Variants in ELOVL2 observed in about 807,000 individuals in gnomAD.
ELOVL2 encodes the protein very long chain fatty acid elongase 2.
Under a neutral mutation model 37.7 loss-of-function variants are expected in ELOVL2, and 38 were observed. The ratio of observed to expected loss-of-function variants is 1.01; its 90% CI spans 0.78 to 1.32. The LOEUF is 1.32. Among genes scored for constraint, ELOVL2 ranks in the 40% most tolerant of loss-of-function variants. The pLI, the probability that ELOVL2 is intolerant of heterozygous loss-of-function variation, is 0.00. For missense variants in ELOVL2, 352 were observed against 363.6 expected (o/e 0.97, Z 0.26); for synonymous variants, 115 against 122.3 (o/e 0.94, Z 0.40).
chr6:11,031,759 C>T (rs1366260407), intron 1 of ELOVL2, among the ~76,000 whole-genome samples: 1 of 152,126 alleles, frequency 6.6e-6, no homozygotes, highest in Non-Finnish European at 1.5e-5. Context: ...CCTGCCATAA[C>T]CTCTATTTTC....
intron 1 of ELOVL2, among the ~76,000 whole-genome samples, chr6:11,029,573 G>T (rs1231351363): frequency 6.6e-6 from 1 of 152,176 alleles, no homozygotes. Flanking sequence ...ACTGTATCAG[G>T]CTTGGATAAT....
Position 10,982,190 on chromosome 6 carries a change from C to T in ELOVL2, c.*1591G>A, listed in dbSNP as rs1781947571. The T allele has an allele frequency of 6.6e-6, 1 of 152,154 alleles. No individual in the cohort carries two copies. The highest frequency in any genetic ancestry group is 1.5e-5 in the Non-Finnish European group (1 of 68,034). The allele number at this position is 152,154 out of a possible 1,614,324, so 9.4% of individuals were successfully genotyped here. A position where few individuals can be genotyped will look rare whatever the true frequency, so the allele number is the denominator to read the frequency against. On this transcript the variant is annotated 3_prime_UTR_variant, in exon 8 of 8. Transcript: ENST00000354666. ...CCTAGAGACTATCCTAAGCATTAGGCACCTTCCAAAAAATATGCCCAAATC... is the reference window on the plus strand; with the variant it reads ...CCTAGAGACTATCCTAAGCATTAGGTACCTTCCAAAAAATATGCCCAAATC...
intron 1 of ELOVL2, among the ~76,000 whole-genome samples, chr6:11,036,151 T>C (rs1261240114): frequency 6.6e-6 from 1 of 152,206 alleles, no homozygotes; most frequent in Non-Finnish European, 1.5e-5. Context: ...GGTATTAAAA[T>C]AGGGTGTTTC....
At chr6:10,990,521 C>G in intron 5 of ELOVL2, 79 bp from the exon 6 acceptor site, 6 of 1,366,662 alleles carry the variant, frequency 4.4e-6, no homozygotes, top group Non-Finnish European at 5.9e-6. Context: ...GATTCTCTCT[C>G]TGCATGGTAA....
intron 3 of ELOVL2, among the ~76,000 whole-genome samples, chr6:11,003,847 C>T (rs767577045): frequency 1.4e-4 from 21 of 151,986 alleles, no homozygotes; most frequent in East Asian, 5.8e-4. Context: ...TCTGGGAGGC[C>T]GAGGCGGGTG....
Position 10,989,568 on chromosome 6 carries a change from G to A in ELOVL2, c.765+135C>T, listed in dbSNP as rs1782108015. On this transcript the variant is annotated intron_variant, in intron 7 of 7. Transcript: ENST00000354666. ...GCAGGAGAATCACTTGAACCCAGAA[G>A]GCGGAGGTTGCAGTGAGCTGAGATC... 3.9e-6 allele frequency: 3 copies of A among 765,240 alleles called. No homozygotes were observed. The East Asian group carries it at 8.8e-5, about 22-fold the overall frequency. The allele number at this position is 765,240 out of a possible 1,614,324, so 47.4% of individuals were successfully genotyped here.
Position 10,989,786 on chromosome 6 carries a change from A to T in ELOVL2, c.682T>A (p.Cys228Ser). Reference sequence around the variant, plus strand: ...ATGAGACAACCGAAGGGGAAGCCACACGGTTTCACGACGGCGCTCATGGTG... The same window carrying T: ...ATGAGACAACCGAAGGGGAAGCCACTCGGTTTCACGACGGCGCTCATGGTG... ...THTMSAVVKP[C>S]GFPFGCLIFQ... Residue 228 changes from cysteine to serine, a missense_variant, in exon 7 of 8, where the codon TGT becomes AGT. Coordinates refer to ENST00000354666, the MANE Select transcript of ELOVL2 (RefSeq NM_017770.4). 6.2e-7 allele frequency: 1 copy of T among 1,614,208 alleles called. No individual in the cohort carries two copies. The highest frequency in any genetic ancestry group is 8.5e-7 in the Non-Finnish European group (1 of 1,180,010).
intron 3 of ELOVL2, among the ~76,000 whole-genome samples, chr6:11,001,051 C>T (rs78480271): frequency 2.4e-3 from 369 of 152,222 alleles, no homozygotes; most frequent in African/African-American, 8.6e-3. Flanking sequence ...GTATTACAGG[C>T]GAAAGGCCTA....
intron 1 of ELOVL2, among the ~76,000 whole-genome samples, chr6:11,013,614 G>A (rs1229295210): frequency 6.6e-6 from 1 of 152,194 alleles, no homozygotes; most frequent in Non-Finnish European, 1.5e-5. Flanking sequence ...TGACTGAAAA[G>A]TTTATGCACA....
rs1446755022 is a variant in ELOVL2 at position 11,044,235 on chromosome 6, C to T, written c.-5G>A. On this transcript the variant is annotated 5_prime_UTR_variant, in exon 1 of 8. Transcript: ENST00000354666. This position sits in a 1 kb window ranked among gnomAD's most constrained non-coding sequence, Gnocchi z 5.6. ...GCGCGCGGCCCCACTCACCATGATC[C>T]GCAGCGGCTGTGGCGCGGCGACCCG... 3 of 1,380,822 alleles carry T rather than the reference C, an allele frequency of 2.2e-6. No homozygotes were observed. Among genetic ancestry groups the T allele is most frequent in the East Asian group, 5.9e-5 (2 of 33,748 alleles). The allele number at this position is 1,380,822 out of a possible 1,614,324, so 85.5% of individuals were successfully genotyped here.
At chr6:11,034,485 C>T (rs1782979761) in intron 1 of ELOVL2, among the ~76,000 whole-genome samples, 1 of 97,902 alleles carries the variant, frequency 1.0e-5, no homozygotes, top group South Asian at 5.6e-4. Flanking sequence ...GAGTTGAACA[C>T]CAGCCTGGCC....
intron 2 of ELOVL2, among the ~76,000 whole-genome samples, chr6:11,009,766 A>T (rs547400701): frequency 6.6e-6 from 1 of 152,308 alleles, no homozygotes; most frequent in South Asian, 2.1e-4. Flanking sequence ...AGTCCATGAT[A>T]AGAAGTTTGG....
intron 1 of ELOVL2, among the ~76,000 whole-genome samples, chr6:11,033,884 C>G (rs1352518336): frequency 2.0e-5 from 3 of 151,984 alleles, no homozygotes; most frequent in Non-Finnish European, 4.4e-5. Context: ...CTATTCCAGG[C>G]ATAGAGAAAA....
chr6:11,037,083 A>G (rs973808518), intron 1 of ELOVL2, among the ~76,000 whole-genome samples: 3 of 148,228 alleles, frequency 2.0e-5, no homozygotes, highest in African/African-American at 7.5e-5. Context: ...AGAGAGGGAA[A>G]GAGACAGAGA....
intron 1 of ELOVL2, among the ~76,000 whole-genome samples, chr6:11,042,763 T>C (rs1235240675): frequency 1.3e-5 from 2 of 152,080 alleles, no homozygotes; most frequent in East Asian, 3.8e-4. Context: ...GAGACTCTCA[T>C]CATTACAAAT....
chr6:10,992,616 C>G (rs1217279865), intron 5 of ELOVL2, among the ~76,000 whole-genome samples: 1 of 151,412 alleles, frequency 6.6e-6, no homozygotes, highest in Non-Finnish European at 1.5e-5. Context: ...TGATGAAACC[C>G]CGTCTCTATT....
chr6:11,038,339 T>C (rs926430652), intron 1 of ELOVL2, among the ~76,000 whole-genome samples: 5 of 152,110 alleles, frequency 3.3e-5, no homozygotes, highest in Non-Finnish European at 4.4e-5. Flanking sequence ...TAATTATTTA[T>C]TCAGCATGGT....
intron 5 of ELOVL2, among the ~76,000 whole-genome samples, chr6:10,993,300 A>G (rs556029373): frequency 6.6e-6 from 1 of 152,360 alleles, no homozygotes; most frequent in South Asian, 2.1e-4. Context: ...AAAATCTGAA[A>G]TATAAAGCAA....
chr6:11,037,040 AAGAGAGGCAGAGAGGGAAAGAGAT>A (rs1244537154), intron 1 of ELOVL2, among the ~76,000 whole-genome samples: 5 of 139,326 alleles, frequency 3.6e-5, no homozygotes, highest in Non-Finnish European at 4.7e-5. Context: ...GAGACAGAGG[AAGAGAGGCAGAGAGGGAAAGAGAT>A]AGAGAGGCAG....
Sources: gnomAD v4.1 joint callset for allele counts (sites outside exome capture counted in the v4.1 genomes callset) on GRCh38, gnomAD v4.1.1 for gene constraint, Gnocchi (gnomAD v3.1) non-coding constraint, MANE v1.5 for transcripts, NCBI Gene and HGNC (gene_info 2026-07-23, HGNC 2026-07-21) for gene names.